SNX13: variants seen among roughly 807,000 people sequenced by gnomAD.
SNX13 encodes the protein sorting nexin-13.
SNX13 carries 45 observed loss-of-function variants against 133.6 expected under a neutral mutation model. The observed-to-expected ratio is 0.34, with a 90% CI of 0.27 to 0.43. SNX13 has a LOEUF of 0.43. Among genes scored for constraint, SNX13 ranks in the 20% least tolerant of loss-of-function variants. The pLI, the probability that SNX13 is intolerant of heterozygous loss-of-function variation, is 1.00. For synonymous variants in SNX13, 414 were observed against 373.9 expected (o/e 1.11, Z -1.24); for missense variants, 1,032 against 1,145.1 (o/e 0.90, Z 1.43).
chr7:17,867,908 A>AGTCTTTG (rs1793599097), intron 9 of SNX13, among the ~76,000 whole-genome samples: 1 of 152,084 alleles, frequency 6.6e-6, no homozygotes, highest in Non-Finnish European at 1.5e-5. Flanking sequence ...GTAATAACTA[A>AGTCTTTG]GTCTTTGATA....
At chr7:17,870,649 G>C (rs1354400719) in intron 8 of SNX13, among the ~76,000 whole-genome samples, 3 of 152,186 alleles carry the variant, frequency 2.0e-5, no homozygotes, top group Non-Finnish European at 4.4e-5. Flanking sequence ...GCCATCAAGA[G>C]GGTAAATGGG....
At chr7:17,798,840 A>G (rs1784330652) in intron 23 of SNX13, 82 bp from the exon 24 acceptor site, 4 of 1,235,690 alleles carry the variant, frequency 3.2e-6, no homozygotes, top group Non-Finnish European at 4.5e-6. Flanking sequence ...AGAGCAAGCA[A>G]CTTAATCTGG....
At chr7:17,805,033 T>A (rs956011290) in intron 20 of SNX13, among the ~76,000 whole-genome samples, 2 of 152,180 alleles carry the variant, frequency 1.3e-5, no homozygotes, top group African/African-American at 4.8e-5. Context: ...CAGCCAATAG[T>A]ACCATAGATA....
intron 2 of SNX13, 51 bp downstream of exon 2, chr7:17,897,283 T>G (rs1425767201): frequency 1.0e-6 from 1 of 1,000,538 alleles, no homozygotes; most frequent in Admixed American, 3.3e-5. Flanking sequence ...TTGTTTCCAT[T>G]TTAACAAGAT....
intron 11 of SNX13, among the ~76,000 whole-genome samples, chr7:17,847,059 A>G (rs919890329): frequency 3.3e-5 from 5 of 152,210 alleles, no homozygotes; most frequent in African/African-American, 1.2e-4. Context: ...AAAGGATTCA[A>G]TATCAAAAAG....
At chr7:17,888,570 C>T (rs1264737628) in intron 5 of SNX13, 3 of 402,850 alleles carry the variant, frequency 7.4e-6, no homozygotes, top group African/African-American at 6.3e-5. Context: ...CTTTCTGGAC[C>T]TTAGCTTCCT....
chr7:17,821,390 T>C lies in SNX13; in HGVS notation c.1845+119A>G, dbSNP rs1452446815. The C allele has an allele frequency of 5.3e-6, 5 of 935,846 alleles. No homozygotes were observed. The African/African-American group carries it at 8.3e-5, about 16-fold the overall frequency. 58.0% of individuals were successfully genotyped at this position (935,846 alleles called of 1,614,324 possible). A position where few individuals can be genotyped will look rare whatever the true frequency, so the allele number is the denominator to read the frequency against. On this transcript the variant is annotated intron_variant, in intron 18 of 25. Coordinates refer to ENST00000428135, the MANE Select transcript of SNX13 (RefSeq NM_015132.5). ...TTAATTCTAAGATTTATGGTGATTA[T>C]ACCAAAAATTCTTACCTTATTTTTT...
chr7:17,822,419 T>C (rs1787402556), intron 17 of SNX13, among the ~76,000 whole-genome samples: 1 of 152,182 alleles, frequency 6.6e-6, no homozygotes, highest in African/African-American at 2.4e-5. Context: ...TCTTCTCATC[T>C]GTATCTGGTC....
intron 11 of SNX13, among the ~76,000 whole-genome samples, chr7:17,849,115 T>C (rs889786722): frequency 6.6e-6 from 1 of 152,212 alleles, no homozygotes; most frequent in African/African-American, 2.4e-5. Flanking sequence ...GAACTCAAGA[T>C]TGCCAATTGG....
intron 15 of SNX13, chr7:17,831,364 G>GT: frequency 1.2e-6 from 1 of 840,512 alleles, no homozygotes; most frequent in Non-Finnish European, 1.4e-6. Context: ...CTATGAGACT[G>GT]TTTTAATAAA....
chr7:17,904,598 A>G (rs1798196102), intron 1 of SNX13, among the ~76,000 whole-genome samples: 1 of 152,198 alleles, frequency 6.6e-6, no homozygotes, highest in South Asian at 2.1e-4. Context: ...CTCTGAGATC[A>G]ATCTCACTAG....
chr7:17,872,071 G>A (rs186486152), intron 8 of SNX13, among the ~76,000 whole-genome samples: 1 of 152,302 alleles, frequency 6.6e-6, no homozygotes, highest in African/African-American at 2.4e-5. Flanking sequence ...CAAGAGGGCA[G>A]CTCAGAGTTG....
In SNX13 at chr7:17,814,899, G is replaced by A; in HGVS notation, c.1999C>T (p.His667Tyr). ...EMMKASPALA[H>Y]YVYDFLENKA... is the part of the protein sequence containing the mutation. ...TTCTCAAGGAAATCATACACATAGT[G>A]AGCTAAAGCGGGGGATGCCTTCATC... Residue 667 changes from histidine (H) to tyrosine (Y), a missense_variant, in exon 20 of 26, where the codon CAC (histidine) becomes TAC (tyrosine). By Grantham distance (83) the His-to-Tyr change is moderately conservative. Transcript: ENST00000428135. 1.3e-6 allele frequency: 2 copies of A among 1,537,048 alleles called. No homozygotes were observed. The highest frequency in any genetic ancestry group is 2.5e-5 in the East Asian group (1 of 39,860).
intron 5 of SNX13, among the ~76,000 whole-genome samples, chr7:17,877,658 T>A (rs1399506548): frequency 6.6e-6 from 1 of 152,048 alleles, no homozygotes; most frequent in Non-Finnish European, 1.5e-5. Flanking sequence ...AGAAGACATT[T>A]TAAATCCATC....
chr7:17,798,493 TCTGGTTTTAAAGAAACAAAG>T (rs1784289068), intron 24 of SNX13, among the ~76,000 whole-genome samples, 177 bp downstream of exon 24: 3 of 151,884 alleles, frequency 2.0e-5, no homozygotes, highest in Admixed American at 2.0e-4. Flanking sequence ...CTTTTCCTAT[TCTGGTTTTAAAGAAACAAAG>T]ATCAATAGGT....
At chr7:17,831,678 G>C in intron 15 of SNX13, 1 of 984,162 alleles carries the variant, frequency 1.0e-6, no homozygotes, top group Non-Finnish European at 1.2e-6. Context: ...CCCTAGGTTA[G>C]ATAATTATTT....
chr7:17,867,753 C>T (rs1793576697), intron 9 of SNX13, among the ~76,000 whole-genome samples: 1 of 151,910 alleles, frequency 6.6e-6, no homozygotes, highest in African/African-American at 2.4e-5. Flanking sequence ...GTAGAAATCC[C>T]AGATTTAAGA....
intron 20 of SNX13, among the ~76,000 whole-genome samples, chr7:17,812,925 C>G (rs1786216083): frequency 6.6e-6 from 1 of 152,034 alleles, no homozygotes; most frequent in Admixed American, 6.6e-5. Context: ...CGTTCTCACA[C>G]ATGGACACAG....
At chr7:17,855,595 G>A (rs766455376) in intron 9 of SNX13, among the ~76,000 whole-genome samples, 2 of 152,154 alleles carry the variant, frequency 1.3e-5, no homozygotes, top group Non-Finnish European at 2.9e-5. Context: ...CTCCAGAAAT[G>A]GAACAAGAAA....
Sources: gnomAD v4.1 joint callset for allele counts (sites outside exome capture counted in the v4.1 genomes callset) on GRCh38, gnomAD v4.1.1 for gene constraint, MANE v1.5 for transcripts, NCBI Gene and HGNC (gene_info 2026-07-23, HGNC 2026-07-21) for gene names.